The following COL23A1 variants were observed in gnomAD, a reference collection of about 807,000 sequenced individuals.
COL23A1 encodes the protein collagen type XXIII alpha 1 chain, also known as collagen alpha-1(XXIII) chain.
Under a neutral mutation model 99.3 loss-of-function variants are expected in COL23A1, and 97 were observed. The ratio of observed to expected loss-of-function variants is 0.98; its 90% CI spans 0.83 to 1.16. The LOEUF (loss-of-function observed/expected upper bound fraction) is 1.16, where lower values mean the gene tolerates loss of function less well. Ranked by LOEUF, COL23A1 falls within the 50% of genes most tolerant of loss-of-function variation. COL23A1 has a pLI of 0.00. For synonymous variants in COL23A1, 320 were observed against 308.2 expected (o/e 1.04, Z -0.40); for missense variants, 762 against 757.4 (o/e 1.01, Z -0.07).
chr5:178,583,813 T>C (rs1403668312), intron 1 of COL23A1, among the ~76,000 whole-genome samples: 1 of 152,168 alleles, frequency 6.6e-6, no homozygotes, highest in Non-Finnish European at 1.5e-5. Flanking sequence ...ACACAGACAC[T>C]AGCCTGGACT....
chr5:178,422,871 TTAA>T (rs762209931), intron 2 of COL23A1, among the ~76,000 whole-genome samples: 4 of 152,194 alleles, frequency 2.6e-5, no homozygotes, highest in Non-Finnish European at 5.9e-5. Flanking sequence ...AGTCCTTGAC[TTAA>T]TGATGATGTG....
chr5:178,321,031 C>T (rs1480977519), intron 2 of COL23A1, among the ~76,000 whole-genome samples: 1 of 152,246 alleles, frequency 6.6e-6, no homozygotes, highest in South Asian at 2.1e-4. Context: ...ATTTTAAAAA[C>T]AGCTTTATTA....
intron 2 of COL23A1, among the ~76,000 whole-genome samples, chr5:178,432,763 C>T (rs1443484039): frequency 1.3e-5 from 2 of 152,140 alleles, no homozygotes; most frequent in African/African-American, 4.8e-5. Context: ...CTGGGACAGT[C>T]GTGCTGAGTG....
At chr5:178,324,953 C>T (rs963789942) in intron 2 of COL23A1, among the ~76,000 whole-genome samples, 10 of 151,972 alleles carry the variant, frequency 6.6e-5, no homozygotes, top group African/African-American at 9.6e-5. Context: ...ACTGTCTGCA[C>T]GCTGGCCCTA....
chr5:178,347,786 C>T (rs1761062019), intron 2 of COL23A1, among the ~76,000 whole-genome samples: 1 of 148,124 alleles, frequency 6.8e-6, no homozygotes, highest in Non-Finnish European at 1.5e-5. Context: ...GAGGCTGAGG[C>T]AGGAGAATCA....
chr5:178,413,365 C>T (rs896844302), intron 2 of COL23A1, among the ~76,000 whole-genome samples: 1 of 152,200 alleles, frequency 6.6e-6, no homozygotes, highest in African/African-American at 2.4e-5. Context: ...ATTAAAATAA[C>T]TTGCTACATG....
intron 2 of COL23A1, among the ~76,000 whole-genome samples, chr5:178,354,885 C>G (rs1005980451): frequency 6.6e-6 from 1 of 151,908 alleles, no homozygotes; most frequent in Non-Finnish European, 1.5e-5. Context: ...GGTGAAACCC[C>G]GTCTCTAGTA....
At chr5:178,529,877 T>G (rs938846137) in intron 2 of COL23A1, among the ~76,000 whole-genome samples, 30 of 152,218 alleles carry the variant, frequency 2.0e-4, no homozygotes, top group Non-Finnish European at 4.0e-4. Flanking sequence ...TTTCAAACAC[T>G]GCTGTATAAT....
intron 2 of COL23A1, among the ~76,000 whole-genome samples, chr5:178,459,948 C>T (rs1392391081): frequency 1.3e-5 from 2 of 152,006 alleles, no homozygotes; most frequent in Non-Finnish European, 2.9e-5. Context: ...AAATTCAATA[C>T]GATGTTAATA....
chr5:178,358,693 A>ATGTATGTGTATGTGTGTATGTG (rs1761998002), intron 2 of COL23A1, among the ~76,000 whole-genome samples: 1 of 132,956 alleles, frequency 7.5e-6, no homozygotes, highest in Non-Finnish European at 1.6e-5. Context: ...ATGTGTGTGT[A>ATGTATGTGTATGTGTGTATGTG]TGTATGTGTA....
intron 2 of COL23A1, among the ~76,000 whole-genome samples, chr5:178,514,302 A>G (rs1404767595): frequency 6.6e-6 from 1 of 152,166 alleles, no homozygotes; most frequent in Non-Finnish European, 1.5e-5. Context: ...CAGACCGCTT[A>G]TCCCTTCTTC....
At chr5:178,249,716 A>ACACACACACACACT in intron 18 of COL23A1, among the ~76,000 whole-genome samples, 15 of 92,808 alleles carry the variant, frequency 1.6e-4, no homozygotes, top group African/African-American at 6.0e-4. Context: ...ACACACACAC[A>ACACACACACACACT]CTCTCTCTCT....
At chr5:178,523,199 T>TAGAGAGAGAGAGAGAG (rs1269636962) in intron 2 of COL23A1, among the ~76,000 whole-genome samples, 6 of 75,986 alleles carry the variant, frequency 7.9e-5, no homozygotes, top group Non-Finnish European at 1.6e-4. Flanking sequence ...TATATATATA[T>TAGAGAGAGAGAGAGAG]ATAGAGAGAG....
At chr5:178,273,254 C>A (rs1314958645) in intron 5 of COL23A1, among the ~76,000 whole-genome samples, 1 of 152,210 alleles carries the variant, frequency 6.6e-6, no homozygotes, top group African/African-American at 2.4e-5. Flanking sequence ...TCAGTGCTGC[C>A]GGCTGTTTCT....
intron 2 of COL23A1, among the ~76,000 whole-genome samples, chr5:178,329,835 G>C (rs1759907196): frequency 6.6e-6 from 1 of 152,218 alleles, no homozygotes; most frequent in African/African-American, 2.4e-5. Context: ...TACTCAGGAG[G>C]CTGAGGCAGG....
chr5:178,431,424 G>C (rs1195336470), intron 2 of COL23A1, among the ~76,000 whole-genome samples: 1 of 152,226 alleles, frequency 6.6e-6, no homozygotes, highest in Non-Finnish European at 1.5e-5. Flanking sequence ...CTAATCCCCA[G>C]AACCCGCGAA....
In COL23A1 at chr5:178,315,762, CTT is replaced by C. The variant is rs34604670; in HGVS notation, c.362-8845_362-8844del. ...CAACGTTTTCTAGTAGAAGCACTGA[CTT>C]TTTTTTTTTTTTTTTTTTTTCAAGA... On this transcript the variant is annotated intron_variant, in intron 2 of 28. Transcript: ENST00000390654. Among the ~76,000 whole-genome samples, 692 of 96,736 alleles carry C rather than the reference CTT, an allele frequency of 7.2e-3. 9 individuals are homozygous for C. The highest frequency in any genetic ancestry group is 0.025 in the Middle Eastern group (4 of 162). The allele number at this position is 96,736 out of a possible 152,430, so 63.5% of individuals were successfully genotyped here.
Position 178,258,262 on chromosome 5 carries a change from T to TATATATATATATATACAC in COL23A1, c.730-696_730-695insGTGTATATATATATATAT. Among the ~76,000 whole-genome samples, 203 of 104,104 alleles carry TATATATATATATATACAC rather than the reference T, an allele frequency of 1.9e-3. 21 individuals carry two copies. Among genetic ancestry groups the TATATATATATATATACAC allele is most frequent in the South Asian group, 0.012 (30 of 2,576 alleles). The allele number at this position is 104,104 out of a possible 152,430, so 68.3% of individuals were successfully genotyped here. On this transcript the variant is annotated intron_variant, in intron 12 of 28. Transcript: ENST00000390654. Reference sequence around the variant, plus strand: ...ATATATATATATATATATATATATATACACATGCAAATCAATTCTAGGCAC... The same window carrying TATATATATATATATACAC: ...ATATATATATATATATATATATATATATATATATATATATACACACACATGCAAATCAATTCTAGGCAC...
At chr5:178,487,345 G>A (rs939808194) in intron 2 of COL23A1, among the ~76,000 whole-genome samples, 4 of 148,108 alleles carry the variant, frequency 2.7e-5, no homozygotes, top group Non-Finnish European at 4.5e-5. Flanking sequence ...TAGAGAAGGA[G>A]TTTCGCTCTT....
Sources: allele counts gnomAD v4.1 joint callset (sites outside exome capture counted in the v4.1 genomes callset), GRCh38; gene constraint gnomAD v4.1.1; transcripts MANE v1.5; gene names NCBI Gene and HGNC (gene_info 2026-07-23, HGNC 2026-07-21).